Variants in PPFIBP1 observed in about 807,000 individuals in gnomAD.
PPFIBP1 encodes the protein PPFIB scaffold protein 1.
PPFIBP1 carries 112 observed loss-of-function variants against 137.8 expected under a neutral mutation model. The ratio of observed to expected loss-of-function variants is 0.81; its 90% CI spans 0.70 to 0.95. The LOEUF is 0.95. Ranked by LOEUF, PPFIBP1 falls within the 40% of genes least tolerant of loss-of-function variation. The pLI is 0.00. For missense variants in PPFIBP1, 1,083 were observed against 1,196.6 expected, an observed-to-expected ratio of 0.91 and a Z score of 1.40; for synonymous variants, 378 against 417.3, an observed-to-expected ratio of 0.91 and a Z score of 1.15.
intron 1 of PPFIBP1, among the ~76,000 whole-genome samples, chr12:27,555,925 C>A (rs2136277856): frequency 1.3e-5 from 2 of 152,188 alleles, no homozygotes; most frequent in South Asian, 4.2e-4. Flanking sequence ...CTTATTTGTC[C>A]ATGTTAAACT....
At chr12:27,526,061 A>G (rs1407861768) in intron 1 of PPFIBP1, among the ~76,000 whole-genome samples, 2 of 152,252 alleles carry the variant, frequency 1.3e-5, no homozygotes, top group Non-Finnish European at 2.9e-5. Flanking sequence ...TGGGGAGTAC[A>G]TAAAACATAC....
intron 2 of PPFIBP1, among the ~76,000 whole-genome samples, chr12:27,610,043 T>C (rs1231904687): frequency 6.6e-6 from 1 of 152,022 alleles, no homozygotes; most frequent in Admixed American, 6.5e-5. Context: ...CCCCGAGCTG[T>C]GTGGATTGGA....
At chr12:27,525,461 C>A (rs186919880) in intron 1 of PPFIBP1, among the ~76,000 whole-genome samples, 1 of 148,466 alleles carries the variant, frequency 6.7e-6, no homozygotes, top group African/African-American at 2.5e-5. Flanking sequence ...CTCCATACAC[C>A]GATTCAGGAC....
At chr12:27,630,676 A>G (rs528215353) in intron 2 of PPFIBP1, among the ~76,000 whole-genome samples, 2 of 152,298 alleles carry the variant, frequency 1.3e-5, no homozygotes, top group African/African-American at 2.4e-5. Flanking sequence ...TTTCAGTTAC[A>G]TGATGAATTG....
At chr12:27,688,976 G>A (rs376297899) in intron 26 of PPFIBP1, 39 bp from the exon 27 acceptor site, 11 of 1,572,766 alleles carry the variant, frequency 7.0e-6, no homozygotes, top group Non-Finnish European at 9.5e-6. Context: ...TATGATTTGT[G>A]GTGACTTTTG....
chr12:27,584,738 A>C (rs1396040447), intron 2 of PPFIBP1, among the ~76,000 whole-genome samples: 1 of 152,224 alleles, frequency 6.6e-6, no homozygotes, highest in Non-Finnish European at 1.5e-5. Flanking sequence ...TGCCCAAGAA[A>C]TTATCATTTG....
At chr12:27,579,521 G>A (rs1443614535) in intron 2 of PPFIBP1, among the ~76,000 whole-genome samples, 1 of 152,162 alleles carries the variant, frequency 6.6e-6, no homozygotes, top group African/African-American at 2.4e-5. Flanking sequence ...GAATCATACA[G>A]TGAATATTCT....
chr12:27,681,455 T>A (rs2060866868), intron 21 of PPFIBP1, 91 bp from the exon 22 acceptor site: 2 of 1,389,586 alleles, frequency 1.4e-6, no homozygotes, highest in African/African-American at 2.9e-5. Flanking sequence ...GGAATTTCCA[T>A]GTCTATTGAA....
intron 2 of PPFIBP1, chr12:27,592,503 C>A: frequency 8.3e-7 from 1 of 1,202,714 alleles, no homozygotes; most frequent in South Asian, 1.3e-5. Context: ...GTTGAATTCT[C>A]TTGCCTCTGT....
chr12:27,573,047 G>A (rs554692864), intron 1 of PPFIBP1, among the ~76,000 whole-genome samples: 1 of 152,058 alleles, frequency 6.6e-6, no homozygotes, highest in South Asian at 2.1e-4. Context: ...ATGTTTATTG[G>A]TTGGCTGGGC....
intron 1 of PPFIBP1, among the ~76,000 whole-genome samples, chr12:27,537,570 G>C (rs899479435): frequency 2.0e-5 from 3 of 152,092 alleles, no homozygotes; most frequent in Non-Finnish European, 2.9e-5. Context: ...CTGTGTTCCC[G>C]GGGTGGAGAC....
intron 1 of PPFIBP1, among the ~76,000 whole-genome samples, chr12:27,563,843 T>C (rs1042995313): frequency 1.3e-5 from 2 of 151,246 alleles, no homozygotes; most frequent in Admixed American, 6.6e-5. Context: ...GACTCAGCAC[T>C]GGGCAAGCCA....
intron 2 of PPFIBP1, among the ~76,000 whole-genome samples, chr12:27,626,629 C>T (rs918168885): frequency 2.0e-5 from 3 of 151,680 alleles, no homozygotes; most frequent in Non-Finnish European, 2.9e-5. Context: ...TGCAGTGGTG[C>T]GATCTTGGCT....
intron 2 of PPFIBP1, among the ~76,000 whole-genome samples, chr12:27,578,627 A>G (rs892288977): frequency 6.6e-6 from 1 of 152,146 alleles, no homozygotes; most frequent in African/African-American, 2.4e-5. Flanking sequence ...TGACCCATTA[A>G]TGACCCAGTA....
At chr12:27,616,161 C>T (rs528688915) in intron 2 of PPFIBP1, among the ~76,000 whole-genome samples, 66 of 151,992 alleles carry the variant, frequency 4.3e-4, no homozygotes, top group South Asian at 2.7e-3. Flanking sequence ...ACCCCATCTG[C>T]ATTGTTTTCA....
chr12:27,679,777 A>G, intron 20 of PPFIBP1, 138 bp downstream of exon 20: 8 of 1,367,976 alleles, frequency 5.8e-6, no homozygotes, highest in Non-Finnish European at 7.0e-6. Context: ...GGGATTTATT[A>G]ACTCATTGGG....
intron 2 of PPFIBP1, among the ~76,000 whole-genome samples, chr12:27,586,676 G>A (rs1216625989): frequency 2.0e-5 from 3 of 150,354 alleles, no homozygotes; most frequent in African/African-American, 4.9e-5. Flanking sequence ...CAGCCTGGGC[G>A]AAAAAGTGAG....
At chr12:27,602,159 C>T (rs903465238) in intron 2 of PPFIBP1, among the ~76,000 whole-genome samples, 3 of 152,268 alleles carry the variant, frequency 2.0e-5, no homozygotes, top group Admixed American at 6.5e-5. Flanking sequence ...AATATTCTAG[C>T]GTCAGGATTG....
intron 2 of PPFIBP1, among the ~76,000 whole-genome samples, chr12:27,626,768 G>T (rs2056853145): frequency 6.6e-6 from 1 of 152,068 alleles, no homozygotes; most frequent in African/African-American, 2.4e-5. Flanking sequence ...ATTTCACCAT[G>T]TTGGCCAGGC....
Sources: gnomAD v4.1 joint callset for allele counts (sites outside exome capture counted in the v4.1 genomes callset) on GRCh38, gnomAD v4.1.1 for gene constraint, MANE v1.5 for transcripts, NCBI Gene and HGNC (gene_info 2026-07-23, HGNC 2026-07-21) for gene names.